The following SPATA1 variants were observed in gnomAD, a reference collection of about 807,000 sequenced individuals.
The protein encoded by SPATA1 is spermatogenesis associated 1.
SPATA1 carries 57 observed loss-of-function variants against 59.6 expected under a neutral mutation model. The observed-to-expected ratio is 0.96, with a 90% confidence interval of 0.77 to 1.19. SPATA1 has a LOEUF of 1.19. Among genes scored for constraint, SPATA1 ranks in the 50% most tolerant of loss-of-function variants. SPATA1 has a pLI of 0.00. For synonymous variants in SPATA1, 147 were observed against 163.9 expected, an observed-to-expected ratio of 0.90 and a Z score of 0.79; for missense variants, 448 against 480.7, an observed-to-expected ratio of 0.93 and a Z score of 0.64.
downstream of SPATA1, chr1:84,554,917 T>C (rs1047754724): frequency 1.5e-5 from 16 of 1,085,898 alleles, no homozygotes; most frequent in South Asian, 7.3e-5. Flanking sequence ...CAAAAGTATA[T>C]AGCAACATAA....
At chr1:84,563,324 T>C (rs761472620) in intron 4 of SPATA1, 1 of 1,599,170 alleles carries the variant, frequency 6.3e-7, no homozygotes, top group Non-Finnish European at 8.5e-7. Flanking sequence ...ACTATTTATT[T>C]GCTTCATGAT....
intron 1 of SPATA1, among the ~76,000 whole-genome samples, chr1:84,507,711 A>G (rs1682332899): frequency 6.6e-6 from 1 of 152,244 alleles, no homozygotes; most frequent in South Asian, 2.1e-4. Flanking sequence ...TCTGTTTTAC[A>G]GTAGTTGTAA....
At chr1:84,525,773 T>G (rs777078032) in intron 5 of SPATA1, 24 bp downstream of exon 5, 2 of 1,605,032 alleles carry the variant, frequency 1.2e-6, no homozygotes, top group South Asian at 1.1e-5. Context: ...CATTTTAAAC[T>G]TATGCTAATT....
At chr1:84,529,408 A>G (rs886871759) in intron 6 of SPATA1, among the ~76,000 whole-genome samples, 14 of 152,090 alleles carry the variant, frequency 9.2e-5, no homozygotes, top group African/African-American at 2.9e-4. Context: ...TTGAAAATTA[A>G]TAACTGTCTT....
At chr1:84,519,813 A>T (rs1465616069) in intron 2 of SPATA1, among the ~76,000 whole-genome samples, 1 of 152,168 alleles carries the variant, frequency 6.6e-6, no homozygotes, top group Non-Finnish European at 1.5e-5. Flanking sequence ...TCAAACTTTT[A>T]AAGGTTTCTC....
intron 8 of SPATA1, among the ~76,000 whole-genome samples, chr1:84,539,922 A>G (rs2101989077): frequency 6.6e-6 from 1 of 152,316 alleles, no homozygotes; most frequent in East Asian, 1.9e-4. Context: ...TATTTGGCAC[A>G]AAGTTGTTCT....
At chr1:84,565,938 A>G (rs1195731431) in exon 5 of SPATA1, 3 of 1,601,784 alleles carry the variant, frequency 1.9e-6, no homozygotes, top group Non-Finnish European at 2.6e-6. Context: ...GGAAGTCACA[A>G]GCATCTGCGA....
Position 84,525,871 on chromosome 1 carries a change from TC to T in SPATA1, c.344del (p.Pro115LeufsTer2). ...CTCTTCAACCAGAATTATATTTGCT[TC>T]CTGTAATGGACCATTTAGGAAATGT... On this transcript the variant is annotated frameshift_variant, in exon 6 of 13. Coordinates refer to ENST00000490879, the Ensembl canonical transcript of SPATA1. LOFTEE classifies it high-confidence loss of function. 1 of 1,612,256 alleles carries T rather than the reference TC, an allele frequency of 6.2e-7. No homozygotes were observed. Among genetic ancestry groups the T allele is most frequent in the South Asian group, 1.1e-5 (1 of 90,840 alleles).
chr1:84,536,881 C>T (rs113460685), intron 8 of SPATA1, among the ~76,000 whole-genome samples: 1 of 105,778 alleles, frequency 9.5e-6, no homozygotes, highest in African/African-American at 3.4e-5. Context: ...TTTCTTTTTT[C>T]TTTTTTTTTT....
At chr1:84,555,504 G>T (rs1399448804), downstream of SPATA1, among the ~76,000 whole-genome samples, 1 of 152,072 alleles carries the variant, frequency 6.6e-6, no homozygotes, top group East Asian at 1.9e-4. Flanking sequence ...TATGTTTATG[G>T]GTTTATTAGG....
At chr1:84,536,881 CTTTT>C (rs34058475) in intron 8 of SPATA1, among the ~76,000 whole-genome samples, 7 of 105,758 alleles carry the variant, frequency 6.6e-5, no homozygotes, top group Non-Finnish European at 8.2e-5. Context: ...TTTCTTTTTT[CTTTT>C]TTTTTTTTTT....
intron 6 of SPATA1, among the ~76,000 whole-genome samples, chr1:84,531,128 T>G (rs760555820): frequency 1.9e-4 from 29 of 152,182 alleles, no homozygotes; most frequent in Non-Finnish European, 2.8e-4. Context: ...CATTTTGCAT[T>G]ATATAGATCT....
At chr1:84,526,239 G>A in intron 6 of SPATA1, 166 bp downstream of exon 6, 1 of 536,504 alleles carries the variant, frequency 1.9e-6, no homozygotes, top group East Asian at 3.0e-5. Flanking sequence ...TTTGCCAGAT[G>A]GGAGGAAAAG....
At chr1:84,537,285 A>C (rs1683737846) in intron 8 of SPATA1, among the ~76,000 whole-genome samples, 1 of 152,204 alleles carries the variant, frequency 6.6e-6, no homozygotes, top group Admixed American at 6.5e-5. Context: ...TATGATTAAG[A>C]AATCCTTGAC....
chr1:84,538,661 G>T (rs1239557445), intron 8 of SPATA1, among the ~76,000 whole-genome samples: 1 of 152,156 alleles, frequency 6.6e-6, no homozygotes, highest in East Asian at 1.9e-4. Context: ...ACTGCATTAG[G>T]ATGTGCTGCT....
chr1:84,565,914 A>G lies in SPATA1; in HGVS notation n.496A>G, dbSNP rs776595807. 4.4e-6 allele frequency: 7 copies of G among 1,602,092 alleles called. No individual in the cohort carries two copies. The South Asian group carries it at 7.9e-5, about 18-fold the overall frequency. Reference sequence around the variant, plus strand: ...ACCAGATCTGACTTTGTTCATCATAAGACATCACAAAGAGGAAGTCACAAG... The same window carrying G: ...ACCAGATCTGACTTTGTTCATCATAGGACATCACAAAGAGGAAGTCACAAG... On this transcript the variant is annotated non_coding_transcript_exon_variant, in exon 5 of 5. Coordinates refer to the SPATA1 transcript ENST00000460286.
intron 6 of SPATA1, among the ~76,000 whole-genome samples, chr1:84,527,293 A>T (rs1348645624): frequency 1.3e-5 from 2 of 152,120 alleles, no homozygotes; most frequent in African/African-American, 4.8e-5. Context: ...AGTTAAACTA[A>T]TTTTTTTCCT....
intron 1 of SPATA1, among the ~76,000 whole-genome samples, chr1:84,511,675 C>CTTTT (rs1682560932): frequency 2.8e-5 from 2 of 71,026 alleles, no homozygotes; most frequent in South Asian, 4.6e-4. Flanking sequence ...TTTTTTCTTT[C>CTTTT]TTTCTTTTTT....
chr1:84,542,500 GT>G (rs968411260), intron 8 of SPATA1, among the ~76,000 whole-genome samples: 2 of 151,858 alleles, frequency 1.3e-5, no homozygotes, highest in East Asian at 1.9e-4. Flanking sequence ...AATCTACCAG[GT>G]TTTTTTTCTT....
Sources: gnomAD v4.1 joint callset for allele counts (sites outside exome capture counted in the v4.1 genomes callset) on GRCh38, gnomAD v4.1.1 for gene constraint, MANE v1.5 for transcripts, NCBI Gene and HGNC (gene_info 2026-07-23, HGNC 2026-07-21) for gene names.